JMY: variants seen among roughly 807,000 people sequenced by gnomAD.
JMY encodes junction-mediating and -regulatory protein.
Under a neutral mutation model 103.3 loss-of-function variants are expected in JMY, and 46 were observed. The ratio of observed to expected loss-of-function variants is 0.45; its 90% confidence interval spans 0.35 to 0.57. The LOEUF (loss-of-function observed/expected upper bound fraction) is 0.57. Ranked by LOEUF, JMY falls within the 20% of genes least tolerant of loss-of-function variation. The pLI is 0.00. For missense variants in JMY, 1,238 were observed against 1,255.2 expected (o/e 0.99, Z 0.21); for synonymous variants, 526 against 489.3 (o/e 1.07, Z -0.99).
At chr5:79,256,610 T>C (rs1745249946) in intron 1 of JMY, among the ~76,000 whole-genome samples, 1 of 152,182 alleles carries the variant, frequency 6.6e-6, no homozygotes, top group South Asian at 2.1e-4. Context: ...GTCTGTGTTA[T>C]CCAGGCTGGT....
chr5:79,253,926 G>A lies in JMY; in HGVS notation c.1032+16244G>A, dbSNP rs529395529. Reference sequence around the variant, plus strand: ...AAGTGATCCACCCATCCTGTCCCCTGAAAGTGCTGGTAGATGACTTTTTTT... The same window carrying A: ...AAGTGATCCACCCATCCTGTCCCCTAAAAGTGCTGGTAGATGACTTTTTTT... On this transcript the variant is annotated intron_variant, in intron 1 of 10. Transcript: ENST00000396137. Among the ~76,000 whole-genome samples the A allele has an allele frequency of 4.0e-5, 6 of 150,560 alleles. No homozygotes were observed. The East Asian group carries it at 7.8e-4, about 20-fold the overall frequency.
intron 1 of JMY, among the ~76,000 whole-genome samples, chr5:79,249,029 C>CA (rs1349330368): frequency 1.3e-5 from 2 of 152,182 alleles, no homozygotes; most frequent in Non-Finnish European, 2.9e-5. Context: ...TCCCAAAGTT[C>CA]TGAGACTGCA....
At chr5:79,291,803 G>A (rs34531418) in intron 4 of JMY, among the ~76,000 whole-genome samples, 8,311 of 152,240 alleles carry the variant, frequency 0.055, 520 homozygotes, top group African/African-American at 0.15. Context: ...ACTATTGACA[G>A]TTATAAATAT....
chr5:79,310,057 C>CTTTTT lies in JMY; in HGVS notation c.1969-2324_1969-2320dup, dbSNP rs55994052. On this transcript the variant is annotated intron_variant, in intron 7 of 10. Transcript: ENST00000396137. ...TAGTAAATCGATTATCTTTCTTTTC[C>CTTTTT]TTTTTTTTTTTTTTTTTTTTTTTTT... 2.2e-3 allele frequency among the ~76,000 whole-genome samples: 161 copies of CTTTTT among 73,680 alleles called. 24 individuals carry two copies. The highest frequency in any genetic ancestry group is 8.8e-3 in the African/African-American group (137 of 15,504). The allele number at this position is 73,680 out of a possible 152,430, so 48.3% of individuals were successfully genotyped here.
chr5:79,254,432 T>C (rs1561291114), intron 1 of JMY, among the ~76,000 whole-genome samples: 1 of 152,240 alleles, frequency 6.6e-6, no homozygotes, highest in Non-Finnish European at 1.5e-5. Flanking sequence ...TATTCTATTC[T>C]AGGGTAAAAG....
Position 79,283,207 on chromosome 5 carries a change from T to C in JMY, c.1206+5124T>C, listed in dbSNP as rs539892879. 6.2e-4 allele frequency among the ~76,000 whole-genome samples: 95 copies of C among 152,052 alleles called. 1 individual carries two copies. The highest frequency in any genetic ancestry group is 2.2e-3 in the African/African-American group (93 of 41,504). ...GGGTTTCCTCCATGTTAGGCTGGTCTTGAACTCCCGACCTCAGGTGATCCA... is the reference window on the plus strand; with the variant it reads ...GGGTTTCCTCCATGTTAGGCTGGTCCTGAACTCCCGACCTCAGGTGATCCA... On this transcript the variant is annotated intron_variant, in intron 2 of 10. Coordinates refer to ENST00000396137, the MANE Select transcript of JMY (RefSeq NM_152405.5).
intron 1 of JMY, among the ~76,000 whole-genome samples, chr5:79,260,064 GT>G (rs1277915662): frequency 6.6e-6 from 1 of 152,212 alleles, no homozygotes; most frequent in African/African-American, 2.4e-5. Context: ...CCCCATTGCA[GT>G]GTCTCCCAGG....
chr5:79,284,697 C>A, intron 2 of JMY: 15 of 1,592,274 alleles, frequency 9.4e-6, no homozygotes, highest in Non-Finnish European at 1.3e-5. Context: ...CATCATTCTG[C>A]AAATCAGCAA....
intron 1 of JMY, among the ~76,000 whole-genome samples, chr5:79,266,985 T>C (rs1222132365): frequency 6.6e-6 from 1 of 152,222 alleles, no homozygotes; most frequent in African/African-American, 2.4e-5. Context: ...TTTAGGCTTG[T>C]GTCATCTGTT....
At chr5:79,281,638 T>C (rs1251599611) in intron 2 of JMY, among the ~76,000 whole-genome samples, 1 of 152,148 alleles carries the variant, frequency 6.6e-6, no homozygotes, top group Non-Finnish European at 1.5e-5. Context: ...AAAATCATGC[T>C]AAGTCAAAGA....
intron 1 of JMY, among the ~76,000 whole-genome samples, chr5:79,266,306 A>G (rs1009462262): frequency 2.6e-5 from 4 of 152,224 alleles, no homozygotes; most frequent in Admixed American, 1.3e-4. Context: ...TAGAATGTCT[A>G]CCTAGTGGTA....
intron 1 of JMY, among the ~76,000 whole-genome samples, chr5:79,265,009 C>T (rs1340707293): frequency 6.6e-6 from 1 of 152,164 alleles, no homozygotes; most frequent in African/African-American, 2.4e-5. Flanking sequence ...ATAAGCCCTG[C>T]CTCCCAGGTT....
At chr5:79,288,758 G>A (rs1196458832) in intron 2 of JMY, among the ~76,000 whole-genome samples, 2 of 151,238 alleles carry the variant, frequency 1.3e-5, no homozygotes, top group African/African-American at 4.9e-5. Flanking sequence ...AGTAGAGATG[G>A]GGTCTTGCTA....
Position 79,300,288 on chromosome 5 carries a change from C to A in JMY, c.1663C>A (p.Gln555Lys). The stretch of plus-strand genomic sequence containing the variant: ...GTGTGAAGAGTTACTATTGACAGCG[C>A]AACTAGAAAGCATCAAAAGACTTAT... ...LKCEELLLTA[Q>K]LESIKRLISE... The change falls in exon 5 of 11, where the codon CAA (glutamine) becomes AAA (lysine). Residue 555 changes from glutamine to lysine, a missense_variant. Transcript: ENST00000396137. 1 of 1,580,486 alleles carries A rather than the reference C, an allele frequency of 6.3e-7. No homozygotes were observed. Among genetic ancestry groups the A allele is most frequent in the Non-Finnish European group, 8.6e-7 (1 of 1,166,166 alleles).
At chr5:79,276,439 CTTTT>C (rs1292495887) in intron 1 of JMY, among the ~76,000 whole-genome samples, 1 of 151,272 alleles carries the variant, frequency 6.6e-6, no homozygotes. Context: ...TTTGTTTGTT[CTTTT>C]TTTTGAGACA....
intron 6 of JMY, among the ~76,000 whole-genome samples, chr5:79,305,995 A>G (rs1259336989): frequency 6.6e-6 from 1 of 152,186 alleles, no homozygotes; most frequent in East Asian, 1.9e-4. Context: ...GGAGTTCAAG[A>G]CCAGTCTGGG....
intron 6 of JMY, among the ~76,000 whole-genome samples, chr5:79,304,753 A>G (rs1328520843): frequency 1.3e-5 from 2 of 152,204 alleles, no homozygotes; most frequent in Non-Finnish European, 2.9e-5. Flanking sequence ...TAGGATATAT[A>G]TGGTATATAC....
chr5:79,301,101 A>G (rs900731924), intron 6 of JMY, among the ~76,000 whole-genome samples: 1 of 152,218 alleles, frequency 6.6e-6, no homozygotes, highest in Non-Finnish European at 1.5e-5. Flanking sequence ...GGCCTTGACT[A>G]CAGGATCCCT....
In JMY at chr5:79,324,462, C is replaced by T. The variant is rs897727491; in HGVS notation, c.*2860C>T. On this transcript the variant is annotated 3_prime_UTR_variant, in exon 11 of 11. Coordinates refer to ENST00000396137, the MANE Select transcript of JMY (RefSeq NM_152405.5). ...TTAATTTCCAATCTAGTCTCAACTG[C>T]AATGCATTTAAAATAGGTAAAACAA... is the stretch of plus-strand genomic sequence containing the variant. 1.3e-5 allele frequency: 2 copies of T among 152,164 alleles called. No homozygotes were observed. The highest frequency in any genetic ancestry group is 4.8e-5 in the African/African-American group (2 of 41,426). The allele number at this position is 152,164 out of a possible 1,614,324, so 9.4% of individuals were successfully genotyped here.
Sources: gnomAD v4.1 joint callset for allele counts (sites outside exome capture counted in the v4.1 genomes callset) on GRCh38, gnomAD v4.1.1 for gene constraint, MANE v1.5 for transcripts, NCBI Gene and HGNC (gene_info 2026-07-23, HGNC 2026-07-21) for gene names.